The following C12orf50 variants were observed in gnomAD, a reference collection of about 807,000 sequenced individuals.
The protein encoded by C12orf50 is zinc finger CCCH-type containing 11D.
A neutral mutation model predicts 61.6 loss-of-function variants in C12orf50; 35 were observed. The ratio of observed to expected loss-of-function variants is 0.57; its 90% CI spans 0.43 to 0.75. C12orf50 has a LOEUF of 0.75. C12orf50 is among the 30% of genes least tolerant of loss of function. C12orf50 has a pLI of 0.00. For missense variants in C12orf50, 475 were observed against 488.5 expected (o/e 0.97, Z 0.26); for synonymous variants, 178 against 161.5 (o/e 1.10, Z -0.77).
intron 4 of C12orf50, among the ~76,000 whole-genome samples, chr12:87,997,257 T>C (rs1221578902): frequency 6.6e-6 from 1 of 152,110 alleles, no homozygotes; most frequent in Non-Finnish European, 1.5e-5. Context: ...TCTCTATAAC[T>C]TCCAGGATTA....
At chr12:88,008,684 T>C (rs1162839158) in intron 3 of C12orf50, among the ~76,000 whole-genome samples, 2 of 152,116 alleles carry the variant, frequency 1.3e-5, no homozygotes, top group East Asian at 3.9e-4. Flanking sequence ...CTATAAAATA[T>C]ATATTGTAAC....
intron 3 of C12orf50, among the ~76,000 whole-genome samples, chr12:88,011,196 A>G (rs757223998): frequency 6.6e-6 from 1 of 151,982 alleles, no homozygotes; most frequent in Non-Finnish European, 1.5e-5. Context: ...CTCTTAGGTA[A>G]AGTGTATCAG....
At chr12:87,981,882 C>A (rs2030493322) in intron 12 of C12orf50, among the ~76,000 whole-genome samples, 1 of 152,100 alleles carries the variant, frequency 6.6e-6, no homozygotes, top group African/African-American at 2.4e-5. Flanking sequence ...CTCTTCAAAG[C>A]TTTTCTCCCT....
At position 87,980,341 on chromosome 12, in the gene C12orf50, C is replaced by A. The variant is rs747986135; in HGVS notation, c.1235G>T (p.Gly412Val). Residue 412 changes from glycine (G) to valine (V), a missense_variant, in exon 13 of 13, where the codon GGG becomes GTG. Coordinates refer to ENST00000298699, the MANE Select transcript of C12orf50 (RefSeq NM_152589.3). ...EKIYPEPRRN[G>V]SK The stretch of plus-strand genomic sequence containing the variant: ...TCTCAACCTCCAGGTTTACTTGCTC[C>A]CATTTCTTCTTGGCTCTAATAATAA... 1.5e-5 allele frequency: 24 copies of A among 1,609,160 alleles called. No individual in the cohort carries two copies. The Admixed American group carries it at 3.8e-4, about 26-fold the overall frequency.
At chr12:87,995,788 C>G (rs1197374307) in intron 6 of C12orf50, among the ~76,000 whole-genome samples, 2 of 152,126 alleles carry the variant, frequency 1.3e-5, no homozygotes, top group African/African-American at 4.8e-5. Context: ...GTGTTGCTGC[C>G]ACCTATCGCC....
chr12:88,004,189 G>A (rs1327016676), intron 3 of C12orf50, among the ~76,000 whole-genome samples: 1 of 152,072 alleles, frequency 6.6e-6, no homozygotes, highest in African/African-American at 2.4e-5. Flanking sequence ...TCTTTATGCA[G>A]GAGTTTAGGT....
In C12orf50 at chr12:87,987,924, C is replaced by G; in HGVS notation, c.743G>C (p.Arg248Pro). 6.2e-7 allele frequency: 1 copy of G among 1,611,472 alleles called. No individual in the cohort carries two copies. Among genetic ancestry groups the G allele is most frequent in the Non-Finnish European group, 8.5e-7 (1 of 1,178,380 alleles). ...TAATACATGCGTTGTAGGTACTAGTCGGGTAGTTAGGGAATGCTTTGGATG... is the reference window on the plus strand; with the variant it reads ...TAATACATGCGTTGTAGGTACTAGTGGGGTAGTTAGGGAATGCTTTGGATG... The part of the protein sequence containing the change: ...SPHPKHSLTT[R>P]LVPTTHVLNA... The change falls in exon 9 of 13, where the codon CGA (arginine) becomes CCA (proline). Residue 248 changes from arginine to proline, a missense_variant. Transcript: ENST00000298699.
At chr12:87,992,184 C>T (rs1476357095) in intron 7 of C12orf50, among the ~76,000 whole-genome samples, 1 of 152,090 alleles carries the variant, frequency 6.6e-6, no homozygotes, top group South Asian at 2.1e-4. Context: ...TTTGTTTTCT[C>T]TTTTGTAAAA....
At chr12:87,986,078 G>A in intron 10 of C12orf50, 25 bp from the exon 11 acceptor site, 1 of 1,605,538 alleles carries the variant, frequency 6.2e-7, no homozygotes, top group Non-Finnish European at 8.5e-7. Flanking sequence ...GGGAGGGAGT[G>A]AGGAATAAAA....
At position 87,983,241 on chromosome 12, in the gene C12orf50, C is replaced by T. The variant is rs746739113; in HGVS notation, c.1127-46G>A. The T allele has an allele frequency of 3.1e-6, 4 of 1,298,522 alleles. No individual in the cohort carries two copies. In the South Asian group the frequency reaches 3.9e-5, roughly 13 times the overall value. 80.4% of individuals were successfully genotyped at this position (1,298,522 alleles called of 1,614,324 possible). On this transcript the variant is annotated intron_variant, in intron 11 of 12. Transcript: ENST00000298699. ...ATTAAATATTTTATAACTTTAAAAT[C>T]ATATTCCAAGGGTGTTTCAAAGTTA...
intron 3 of C12orf50, among the ~76,000 whole-genome samples, chr12:88,001,052 A>C (rs1344012055): frequency 6.6e-6 from 1 of 151,890 alleles, no homozygotes; most frequent in Non-Finnish European, 1.5e-5. Context: ...GCAAATGACA[A>C]GAATGAACAA....
intron 3 of C12orf50, among the ~76,000 whole-genome samples, chr12:88,022,121 C>A (rs905936489): frequency 3.3e-5 from 5 of 150,798 alleles, no homozygotes; most frequent in Non-Finnish European, 4.4e-5. Context: ...TCAAATTCAG[C>A]AGCACATCAA....
chr12:87,991,990 G>T (rs905855377), intron 7 of C12orf50, among the ~76,000 whole-genome samples: 7 of 152,124 alleles, frequency 4.6e-5, no homozygotes, highest in Non-Finnish European at 8.8e-5. Context: ...TCTAACAATG[G>T]CAGTGCTCAG....
At chr12:88,004,679 C>T (rs546929676) in intron 3 of C12orf50, among the ~76,000 whole-genome samples, 1 of 152,290 alleles carries the variant, frequency 6.6e-6, no homozygotes, top group East Asian at 1.9e-4. Context: ...GGCACATATA[C>T]ACCATGAAAT....
intron 3 of C12orf50, among the ~76,000 whole-genome samples, chr12:88,017,969 A>T (rs1322852556): frequency 6.6e-6 from 1 of 152,226 alleles, no homozygotes; most frequent in Non-Finnish European, 1.5e-5. Context: ...AGTTTGGAAA[A>T]TTTGCAGCCT....
At chr12:87,988,396 G>C (rs923907623) in intron 8 of C12orf50, among the ~76,000 whole-genome samples, 2 of 152,142 alleles carry the variant, frequency 1.3e-5, no homozygotes, top group African/African-American at 4.8e-5. Flanking sequence ...CTAAATCTGT[G>C]CTGTTCAATA....
chr12:88,026,907 G>C (rs1565765074), intron 2 of C12orf50, 44 bp downstream of exon 2: 1 of 1,596,180 alleles, frequency 6.3e-7, no homozygotes, highest in Non-Finnish European at 8.5e-7. Context: ...CATTATTGAA[G>C]GGAAATACTT....
At chr12:88,023,952 T>C (rs935700749) in intron 3 of C12orf50, among the ~76,000 whole-genome samples, 1 of 151,974 alleles carries the variant, frequency 6.6e-6, no homozygotes, top group African/African-American at 2.4e-5. Context: ...AACTAACAAC[T>C]TCATTAAAAA....
In C12orf50 at chr12:87,986,997, C is replaced by A. The variant is rs2030858374; in HGVS notation, c.818-581G>T. On this transcript the variant is annotated intron_variant, in intron 9 of 12. Transcript: ENST00000298699. ...TATTTTATATGTATTCTCAATTTTTCAGGAATTTCTATGGTACATATCTCC... is the reference window on the plus strand; with the variant it reads ...TATTTTATATGTATTCTCAATTTTTAAGGAATTTCTATGGTACATATCTCC... 2.0e-5 allele frequency among the ~76,000 whole-genome samples: 3 copies of A among 151,828 alleles called. No individual in the cohort carries two copies. In the South Asian group the frequency reaches 6.2e-4, roughly 32 times the overall value.
Sources: allele counts gnomAD v4.1 joint callset (sites outside exome capture counted in the v4.1 genomes callset), GRCh38; gene constraint gnomAD v4.1.1; transcripts MANE v1.5; gene names NCBI Gene and HGNC (gene_info 2026-07-23, HGNC 2026-07-21).